The following ACBD6 variants were observed in gnomAD, a reference collection of about 807,000 sequenced individuals.
The protein encoded by ACBD6 is acyl-CoA-binding domain-containing protein 6.
In ACBD6, 28 loss-of-function variants were observed where a neutral mutation model predicts 37.2. The observed-to-expected ratio is 0.75, with a 90% CI of 0.56 to 1.03. ACBD6 has a LOEUF of 1.03. Among genes scored for constraint, ACBD6 ranks in the 50% least tolerant of loss-of-function variants. ACBD6 has a pLI of 0.00. For synonymous variants in ACBD6, 113 were observed against 126.8 expected, an observed-to-expected ratio of 0.89 and a Z score of 0.73; for missense variants, 340 against 337.4, an observed-to-expected ratio of 1.01 and a Z score of -0.06.
chr1:180,382,338 C>T (rs1412289851), intron 6 of ACBD6, among the ~76,000 whole-genome samples: 1 of 151,462 alleles, frequency 6.6e-6, no homozygotes, highest in Non-Finnish European at 1.5e-5. Context: ...AGAGAGAAGA[C>T]CCAAATAAAC....
At chr1:180,337,234 C>T (rs569016117) in intron 6 of ACBD6, among the ~76,000 whole-genome samples, 3,484 of 152,042 alleles carry the variant, frequency 0.023, 136 homozygotes, top group African/African-American at 0.079. Flanking sequence ...CCCTGATGAA[C>T]ATCGATGCAA....
chr1:180,459,302 T>C (rs1352880108), intron 3 of ACBD6, among the ~76,000 whole-genome samples: 1 of 152,234 alleles, frequency 6.6e-6, no homozygotes, highest in East Asian at 1.9e-4. Context: ...ATTACTGTTC[T>C]ATTTACTAAC....
chr1:180,329,950 A>G (rs539529522), intron 6 of ACBD6, among the ~76,000 whole-genome samples: 3 of 152,228 alleles, frequency 2.0e-5, no homozygotes, highest in African/African-American at 7.2e-5. Flanking sequence ...TAGTTACAAG[A>G]TAACTTTCTG....
chr1:180,418,643 T>C (rs1339928241), intron 4 of ACBD6, among the ~76,000 whole-genome samples: 6 of 152,128 alleles, frequency 3.9e-5, no homozygotes, highest in Non-Finnish European at 8.8e-5. Context: ...AAATCAAGGA[T>C]TAAATAGTCA....
intron 4 of ACBD6, among the ~76,000 whole-genome samples, chr1:180,428,895 A>T (rs1336414550): frequency 6.6e-6 from 1 of 152,202 alleles, no homozygotes; most frequent in Non-Finnish European, 1.5e-5. Context: ...GGATAGGCAT[A>T]TCACAGAAGA....
rs746626139 is a variant in ACBD6 at position 180,500,617 on chromosome 1, C to T, written c.222+1428G>A. On this transcript the variant is annotated intron_variant, in intron 1 of 7. Coordinates refer to ENST00000367595, the MANE Select transcript of ACBD6 (RefSeq NM_032360.4). The stretch of plus-strand genomic sequence containing the variant: ...GCTGGGACAGGACAATCGCTTGAAC[C>T]GGGGAGGTAGAGGTTGCAGTGAGCT... 3.3e-5 allele frequency among the ~76,000 whole-genome samples: 5 copies of T among 150,068 alleles called. 1 individual carries two copies. Among genetic ancestry groups the T allele is most frequent in the South Asian group, 4.2e-4 (2 of 4,716 alleles).
rs578115160 is a variant in ACBD6 at position 180,390,679 on chromosome 1, C to T, written c.663+6837G>A. 2.0e-4 allele frequency among the ~76,000 whole-genome samples: 31 copies of T among 152,186 alleles called. No individual in the cohort carries two copies. The East Asian group carries it at 5.4e-3, about 27-fold the overall frequency. On this transcript the variant is annotated intron_variant, in intron 6 of 7. Coordinates refer to ENST00000367595, the MANE Select transcript of ACBD6 (RefSeq NM_032360.4). Reference sequence around the variant, plus strand: ...TTGTTTGTATCCTCTTTTATTTCATCGAGCAGTGGTTTGTAGTTCTACTTG... The same window carrying T: ...TTGTTTGTATCCTCTTTTATTTCATTGAGCAGTGGTTTGTAGTTCTACTTG...
chr1:180,440,094 G>C (rs1458303461), intron 3 of ACBD6, among the ~76,000 whole-genome samples: 1 of 151,804 alleles, frequency 6.6e-6, no homozygotes, highest in Non-Finnish European at 1.5e-5. Flanking sequence ...TTGTTTATTT[G>C]GAAAAAGTTT....
chr1:180,390,149 G>A (rs1216069299), intron 6 of ACBD6, among the ~76,000 whole-genome samples: 4 of 152,136 alleles, frequency 2.6e-5, no homozygotes, highest in African/African-American at 4.8e-5. Context: ...TAACGTTTAA[G>A]TCTTTAATCC....
chr1:180,313,089 T>G (rs1650657787), intron 7 of ACBD6, among the ~76,000 whole-genome samples: 1 of 152,224 alleles, frequency 6.6e-6, no homozygotes, highest in South Asian at 2.1e-4. Flanking sequence ...TTTTAAATGT[T>G]AAGTCATCCT....
intron 7 of ACBD6, 75 bp from the exon 8 acceptor site, chr1:180,288,592 G>A: frequency 1.3e-6 from 2 of 1,506,852 alleles, no homozygotes; most frequent in Middle Eastern, 2.2e-4. Context: ...AGCAGGAAAG[G>A]AAAGTGCTGA....
chr1:180,299,092 T>G (rs1467036441), intron 7 of ACBD6, among the ~76,000 whole-genome samples: 1 of 152,248 alleles, frequency 6.6e-6, no homozygotes, highest in Non-Finnish European at 1.5e-5. Flanking sequence ...TATGCTTCTT[T>G]TTGTATTCTC....
intron 6 of ACBD6, among the ~76,000 whole-genome samples, chr1:180,340,760 T>G (rs748720655): frequency 6.6e-6 from 1 of 151,952 alleles, no homozygotes; most frequent in African/African-American, 2.4e-5. Context: ...TCATCCACAC[T>G]AATACAAAGG....
intron 6 of ACBD6, among the ~76,000 whole-genome samples, chr1:180,373,814 A>C (rs997279683): frequency 1.3e-5 from 2 of 152,178 alleles, no homozygotes; most frequent in Non-Finnish European, 1.5e-5. Flanking sequence ...TGATAATGAA[A>C]TTATAAAATT....
chr1:180,427,748 C>T (rs755993102), intron 4 of ACBD6, among the ~76,000 whole-genome samples: 1 of 152,028 alleles, frequency 6.6e-6, no homozygotes, highest in Non-Finnish European at 1.5e-5. Flanking sequence ...ATGGTGAAAC[C>T]CTGTCTCCAC....
At chr1:180,271,695 G>C in exon 14 of ACBD6, 1 of 1,287,216 alleles carries the variant, frequency 7.8e-7, no homozygotes. Flanking sequence ...CCTGGGGAGA[G>C]GGGGTGGGGC....
intron 4 of ACBD6, among the ~76,000 whole-genome samples, chr1:180,424,428 T>C (rs761962878): frequency 2.6e-5 from 4 of 152,116 alleles, no homozygotes; most frequent in African/African-American, 4.8e-5. Flanking sequence ...ATTAATCTAA[T>C]AAATATTAAT....
rs550304734 is a variant in ACBD6, at chr1:180,434,041, C to T, written c.385-3779G>A. Among the ~76,000 whole-genome samples the T allele has an allele frequency of 2.0e-5, 3 of 152,258 alleles. No homozygotes were observed. The South Asian group carries it at 6.2e-4, about 32-fold the overall frequency. On this transcript the variant is annotated intron_variant, in intron 3 of 7. Coordinates refer to ENST00000367595, the MANE Select transcript of ACBD6 (RefSeq NM_032360.4). ...CTCCTTGTAAACCAAAAATAAAGTT[C>T]TAAGCCCTACAACCATCTGGATGAA...
At chr1:180,318,448 T>C (rs1488833766) in intron 6 of ACBD6, among the ~76,000 whole-genome samples, 2 of 152,144 alleles carry the variant, frequency 1.3e-5, no homozygotes, top group Non-Finnish European at 2.9e-5. Flanking sequence ...ATATGCTTTT[T>C]GATTCTGGAC....
Sources: gnomAD v4.1 joint callset for allele counts (sites outside exome capture counted in the v4.1 genomes callset) on GRCh38, gnomAD v4.1.1 for gene constraint, MANE v1.5 for transcripts, NCBI Gene and HGNC (gene_info 2026-07-23, HGNC 2026-07-21) for gene names.